Variants in SCEL observed in about 807,000 individuals in gnomAD.
The protein encoded by SCEL is sciellin.
In SCEL, 113 loss-of-function variants were observed where a neutral mutation model predicts 117.6. That is an observed-to-expected ratio of 0.96 (90% CI 0.83 to 1.12). The LOEUF (loss-of-function observed/expected upper bound fraction) is 1.12, where lower values mean the gene tolerates loss of function less well. SCEL is among the 50% of genes most tolerant of loss of function. SCEL has a pLI of 0.00. For synonymous variants in SCEL, 270 were observed against 256.2 expected (o/e 1.05, Z -0.51); for missense variants, 785 against 810.8 (o/e 0.97, Z 0.39).
chr13:77,593,292 GTGTGT>G (rs2086997926), intron 11 of SCEL, among the ~76,000 whole-genome samples: 14 of 123,942 alleles, frequency 1.1e-4, no homozygotes, highest in East Asian at 2.7e-4. Flanking sequence ...GTGTGTGTGT[GTGTGT>G]CTGTGTGTGT....
At chr13:77,546,391 G>A (rs1206992581) in intron 1 of SCEL, among the ~76,000 whole-genome samples, 2 of 152,076 alleles carry the variant, frequency 1.3e-5, no homozygotes, top group African/African-American at 4.8e-5. Context: ...TGTGTACTTT[G>A]GGCAGGTTAT....
intron 1 of SCEL, among the ~76,000 whole-genome samples, chr13:77,546,843 C>T (rs141375904): frequency 2.2e-4 from 33 of 152,264 alleles, no homozygotes; most frequent in East Asian, 1.7e-3. Context: ...TGCTATTTTT[C>T]GTGTGTGAAT....
In SCEL at chr13:77,563,863, C is replaced by T; in HGVS notation, c.254C>T (p.Thr85Ile). 7.5e-6 allele frequency: 12 copies of T among 1,600,318 alleles called. No homozygotes were observed. The highest frequency in any genetic ancestry group is 3.5e-5 in the Admixed American group (2 of 57,362). Residue 85 changes from threonine to isoleucine, a missense_variant, in exon 5 of 33, where the codon ACA (threonine) becomes ATA (isoleucine). By Grantham distance (89) the Thr-to-Ile change is moderately conservative (BLOSUM62 -1). Transcript: ENST00000349847. ...AATGAGAGAGATGTGCCAAAAGCTA[C>T]AATTAGTCGGTACAGTTCTGATGAC... The part of the protein sequence containing the change: ...KVNERDVPKA[T>I]ISRYSSDDTL...
intron 1 of SCEL, among the ~76,000 whole-genome samples, chr13:77,544,015 G>A (rs1322343237): frequency 2.0e-5 from 3 of 152,032 alleles, no homozygotes; most frequent in Non-Finnish European, 2.9e-5. Context: ...CTATCCTTCC[G>A]CAAGAAGACT....
intron 8 of SCEL, among the ~76,000 whole-genome samples, chr13:77,570,137 CTG>C (rs2085512726): frequency 2.0e-5 from 3 of 152,230 alleles, no homozygotes; most frequent in Admixed American, 2.0e-4. Context: ...ATTTCCCTGT[CTG>C]TACCTGGGTC....
intron 19 of SCEL, 28 bp downstream of exon 19, chr13:77,604,443 CTTTG>C (rs745706671): frequency 6.5e-7 from 1 of 1,533,690 alleles, no homozygotes; most frequent in East Asian, 2.4e-5. Context: ...CCCCCCTCCC[CTTTG>C]TTTGGCATTT....
intron 28 of SCEL, among the ~76,000 whole-genome samples, chr13:77,630,844 A>G (rs2089990238): frequency 6.6e-6 from 1 of 152,234 alleles, no homozygotes; most frequent in Non-Finnish European, 1.5e-5. Flanking sequence ...ATTTGTTTCA[A>G]TGGAGGATAA....
intron 19 of SCEL, chr13:77,606,487 T>A (rs2088200894): frequency 6.6e-6 from 1 of 152,192 alleles, no homozygotes; most frequent in Non-Finnish European, 1.5e-5. Context: ...CGTTTTGTTA[T>A]TTTTTTGAAT....
At chr13:77,564,105 A>G (rs1028426698) in intron 5 of SCEL, among the ~76,000 whole-genome samples, 5 of 151,884 alleles carry the variant, frequency 3.3e-5, no homozygotes, top group Non-Finnish European at 5.9e-5. Context: ...TCTTTTTAAT[A>G]GTAGATTGAT....
intron 8 of SCEL, among the ~76,000 whole-genome samples, chr13:77,570,561 G>C (rs2085537471): frequency 6.6e-6 from 1 of 152,162 alleles, no homozygotes; most frequent in Non-Finnish European, 1.5e-5. Flanking sequence ...CTCGTTCCTT[G>C]TCTTAGTTGA....
At position 77,595,480 on chromosome 13, in the gene SCEL, C is replaced by T. The variant is rs1352523339; in HGVS notation, c.752+1907C>T. On this transcript the variant is annotated intron_variant, in intron 12 of 32. Transcript: ENST00000349847. ...AGTTTTTTATTTGGAATACAGTATC[C>T]ATTTTATTTAATTTGCCACAGAGTG... Among the ~76,000 whole-genome samples the T allele has an allele frequency of 2.0e-5, 3 of 152,084 alleles. No homozygotes were observed. The East Asian group carries it at 5.8e-4, about 29-fold the overall frequency.
chr13:77,543,316 C>A (rs932217906), intron 1 of SCEL, among the ~76,000 whole-genome samples: 3 of 151,894 alleles, frequency 2.0e-5, no homozygotes, highest in Admixed American at 2.0e-4. Flanking sequence ...ATCTCCTGAC[C>A]TCGTGATCCG....
intron 8 of SCEL, among the ~76,000 whole-genome samples, chr13:77,570,633 C>G (rs367674439): frequency 2.6e-5 from 4 of 152,276 alleles, no homozygotes; most frequent in African/African-American, 9.6e-5. Flanking sequence ...TTCCTGTCTG[C>G]CTTTTCTTCT....
intron 3 of SCEL, among the ~76,000 whole-genome samples, chr13:77,558,986 T>C (rs534382591): frequency 1.4e-4 from 22 of 152,170 alleles, no homozygotes; most frequent in Non-Finnish European, 2.8e-4. Context: ...TGACATTTCC[T>C]GAAAGGGCCT....
At chr13:77,637,840 T>A (rs1447225162) in intron 30 of SCEL, among the ~76,000 whole-genome samples, 1 of 152,152 alleles carries the variant, frequency 6.6e-6, no homozygotes, top group Non-Finnish European at 1.5e-5. Flanking sequence ...TGATGAGTAT[T>A]GATTGAGTGC....
At chr13:77,578,802 G>A (rs1054185334) in intron 9 of SCEL, among the ~76,000 whole-genome samples, 8 of 152,116 alleles carry the variant, frequency 5.3e-5, no homozygotes, top group South Asian at 2.1e-4. Flanking sequence ...CTGGGACACC[G>A]GCAGGATATA....
intron 9 of SCEL, among the ~76,000 whole-genome samples, chr13:77,576,751 G>A (rs1002159360): frequency 6.6e-6 from 1 of 152,090 alleles, no homozygotes; most frequent in Non-Finnish European, 1.5e-5. Flanking sequence ...TCACAATATC[G>A]AGTCTTCCTA....
intron 6 of SCEL, 75 bp downstream of exon 6, chr13:77,567,823 C>A: frequency 1.2e-6 from 1 of 867,752 alleles, no homozygotes; most frequent in Non-Finnish European, 1.8e-6. Flanking sequence ...ACTTGCAATT[C>A]TTCAATCCTA....
Position 77,610,313 on chromosome 13 carries a change from G to A in SCEL, c.1337+207G>A, listed in dbSNP as rs747376315. On this transcript the variant is annotated intron_variant, in intron 22 of 32. Transcript: ENST00000349847. ...TAAAAATACAAAAATTTAGCTGGGC[G>A]TGGTGGTGGGTGCCTGTAGTCTCAG... Among the ~76,000 whole-genome samples the A allele has an allele frequency of 3.3e-5, 5 of 151,932 alleles. No homozygotes were observed. The East Asian group carries it at 7.7e-4, about 23-fold the overall frequency.
Sources: allele counts gnomAD v4.1 joint callset (sites outside exome capture counted in the v4.1 genomes callset), GRCh38; gene constraint gnomAD v4.1.1; transcripts MANE v1.5; gene names NCBI Gene and HGNC (gene_info 2026-07-23, HGNC 2026-07-21).